Variants in CDNF observed in about 807,000 individuals in gnomAD.
CDNF encodes cerebral dopamine neurotrophic factor.
Under a neutral mutation model 14.8 loss-of-function variants are expected in CDNF, and 9 were observed. The observed-to-expected ratio is 0.61, with a 90% CI of 0.37 to 1.06. CDNF has a LOEUF of 1.06. Ranked by LOEUF, CDNF falls within the 50% of genes least tolerant of loss-of-function variation. The pLI, the probability that CDNF is intolerant of heterozygous loss-of-function variation, is 0.01. For synonymous variants in CDNF, 86 were observed against 87.2 expected (o/e 0.99, Z 0.07); for missense variants, 228 against 228.4 (o/e 1.00, Z 0.01).
intron 1 of CDNF, among the ~76,000 whole-genome samples, chr10:14,831,462 CATATAT>C (rs66493377): frequency 0.014 from 2,095 of 145,200 alleles, 60 homozygotes; most frequent in African/African-American, 0.049. Context: ...AGCTTAAAGT[CATATAT>C]ATATATATAT....
intron 3 of CDNF, among the ~76,000 whole-genome samples, chr10:14,825,259 T>C (rs985961427): frequency 4.6e-5 from 7 of 152,132 alleles, no homozygotes; most frequent in East Asian, 3.9e-4. Context: ...CCAGGCCTCA[T>C]TGGCAATTTT....
intron 1 of CDNF, among the ~76,000 whole-genome samples, chr10:14,832,518 G>T (rs892547111): frequency 2.0e-5 from 3 of 152,214 alleles, no homozygotes; most frequent in Admixed American, 2.0e-4. Flanking sequence ...GCTGTCTGAA[G>T]AATGGATTAC....
rs1301107358 is a variant in CDNF at position 14,837,953 on chromosome 10, C to T, written c.-7G>A. 4 of 1,579,726 alleles carry T rather than the reference C, an allele frequency of 2.5e-6. No homozygotes were observed. Among genetic ancestry groups the T allele is most frequent in the Middle Eastern group, 1.7e-4 (1 of 5,988 alleles). ...CTGGGCTCGCGCACCACATGCTGGG[C>T]CAGCAGCTTCAATCGCCTCCGCCAC... On this transcript the variant is annotated 5_prime_UTR_variant, in exon 1 of 4. Transcript: ENST00000465530.
intron 1 of CDNF, among the ~76,000 whole-genome samples, chr10:14,834,567 A>G (rs1168925456): frequency 6.6e-6 from 1 of 152,166 alleles, no homozygotes; most frequent in Non-Finnish European, 1.5e-5. Context: ...CAAGATCTAC[A>G]TTTGACTCAC....
chr10:14,832,751 C>G (rs1325647578), intron 1 of CDNF, among the ~76,000 whole-genome samples: 1 of 151,704 alleles, frequency 6.6e-6, no homozygotes, highest in Admixed American at 6.6e-5. Flanking sequence ...ATAATTTTGG[C>G]CAAGAAACTG....
chr10:14,826,104 C>T (rs183762757), intron 2 of CDNF, among the ~76,000 whole-genome samples: 1 of 110,154 alleles, frequency 9.1e-6, no homozygotes, highest in East Asian at 2.6e-4. Flanking sequence ...GAAGCAGCAG[C>T]AGCAGCAGCA....
At chr10:14,821,376 G>A (rs4750563) in intron 3 of CDNF, among the ~76,000 whole-genome samples, 3,125 of 152,240 alleles carry the variant, frequency 0.021, 68 homozygotes, top group East Asian at 0.13. Context: ...CGCCTGCCAC[G>A]GCCTCCCAAA....
chr10:14,834,869 T>C (rs1370245942), intron 1 of CDNF, among the ~76,000 whole-genome samples: 1 of 152,184 alleles, frequency 6.6e-6, no homozygotes, highest in African/African-American at 2.4e-5. Flanking sequence ...GCAGGAAGAA[T>C]GCTATTTTGA....
chr10:14,826,102 AGCAGCAGCAGCAGCAGC>A (rs1833785154), intron 2 of CDNF, among the ~76,000 whole-genome samples: 12 of 115,998 alleles, frequency 1.0e-4, no homozygotes, highest in Middle Eastern at 4.5e-3. Context: ...AAGAAGCAGC[AGCAGCAGCAGCAGCAGC>A]AGCAGAAGCA....
chr10:14,826,214 G>GAAGAAT (rs1476577474), intron 2 of CDNF, among the ~76,000 whole-genome samples: 1 of 147,972 alleles, frequency 6.8e-6, no homozygotes, highest in East Asian at 2.0e-4. Context: ...AGAAGAAGAA[G>GAAGAAT]AAGAAGCAGA....
At chr10:14,826,029 G>GAAGAAGAAGA (rs1833779022) in intron 2 of CDNF, among the ~76,000 whole-genome samples, 3 of 86,114 alleles carry the variant, frequency 3.5e-5, no homozygotes, top group Admixed American at 1.5e-4. Context: ...GAAGAAGAAG[G>GAAGAAGAAGA]AGAAGAAGAA....
intron 1 of CDNF, among the ~76,000 whole-genome samples, chr10:14,829,329 GGC>G (rs971464013): frequency 1.3e-5 from 2 of 152,162 alleles, no homozygotes; most frequent in Non-Finnish European, 2.9e-5. Flanking sequence ...AGTGAAATCA[GGC>G]TGGGCATAGT....
chr10:14,825,768 G>A (rs1044074150), intron 2 of CDNF, 148 bp from the exon 3 acceptor site: 15 of 796,620 alleles, frequency 1.9e-5, no homozygotes, highest in Non-Finnish European at 2.6e-5. Context: ...GGAGGTTGAG[G>A]AGGGCAGATC....
chr10:14,827,246 A>C (rs1303846806), intron 2 of CDNF, among the ~76,000 whole-genome samples: 2 of 151,864 alleles, frequency 1.3e-5, no homozygotes, highest in African/African-American at 4.8e-5. Flanking sequence ...ATATAGATAG[A>C]TAGACCTTAA....
intron 1 of CDNF, among the ~76,000 whole-genome samples, chr10:14,829,213 C>T (rs1833823779): frequency 6.6e-6 from 1 of 152,194 alleles, no homozygotes; most frequent in Admixed American, 6.5e-5. Flanking sequence ...AGGCTATCAT[C>T]TTGGGACAGC....
chr10:14,820,867 A>G (rs1833732473), intron 3 of CDNF, among the ~76,000 whole-genome samples: 1 of 152,138 alleles, frequency 6.6e-6, no homozygotes, highest in African/African-American at 2.4e-5. Flanking sequence ...TGATTGGATC[A>G]TGGGGGTGGA....
At chr10:14,830,208 G>A (rs1833833602) in intron 1 of CDNF, among the ~76,000 whole-genome samples, 1 of 152,104 alleles carries the variant, frequency 6.6e-6, no homozygotes, top group African/African-American at 2.4e-5. Context: ...AGTGAGGGAC[G>A]TTTTGTTGTT....
Position 14,819,738 on chromosome 10 carries a change from T to C in CDNF, c.*242A>G, listed in dbSNP as rs923925258. The C allele has an allele frequency of 7.2e-5, 27 of 375,944 alleles. No homozygotes were observed. The highest frequency in any genetic ancestry group is 1.2e-4 in the Non-Finnish European group (26 of 211,554). 23.3% of individuals were successfully genotyped at this position (375,944 alleles called of 1,614,324 possible). On this transcript the variant is annotated 3_prime_UTR_variant, in exon 4 of 4. Transcript: ENST00000465530. ...AGGAGACAGGCAATGAAAACTGGCA[T>C]AGTCATTCCAAGAAACTTATGAGAA...
intron 3 of CDNF, among the ~76,000 whole-genome samples, chr10:14,823,930 G>A (rs1387253595): frequency 6.6e-6 from 1 of 152,252 alleles, no homozygotes; most frequent in African/African-American, 2.4e-5. Flanking sequence ...TACCCTGGAA[G>A]TTAGGGCTTG....
Sources: gnomAD v4.1 joint callset for allele counts (sites outside exome capture counted in the v4.1 genomes callset) on GRCh38, gnomAD v4.1.1 for gene constraint, MANE v1.5 for transcripts, NCBI Gene and HGNC (gene_info 2026-07-23, HGNC 2026-07-21) for gene names.